Variants in ATP11A observed in about 807,000 individuals in gnomAD.
ATP11A encodes the protein phospholipid-transporting ATPase IH.
In ATP11A, 81 loss-of-function variants were observed where a neutral mutation model predicts 154.4. That is an observed-to-expected ratio of 0.52 (90% CI 0.44 to 0.63). The LOEUF is 0.63. Among genes scored for constraint, ATP11A ranks in the 30% least tolerant of loss-of-function variants. ATP11A has a pLI of 0.00. For missense variants in ATP11A, 1,316 were observed against 1,474.3 expected (o/e 0.89, Z 1.76); for synonymous variants, 623 against 585.9 (o/e 1.06, Z -0.91).
At chr13:112,737,772 C>A (rs1457496122) in intron 1 of ATP11A, among the ~76,000 whole-genome samples, 1 of 152,210 alleles carries the variant, frequency 6.6e-6, no homozygotes, top group Non-Finnish European at 1.5e-5. Flanking sequence ...CAGTGGTGAG[C>A]TCAGGTGGAA....
chr13:112,751,592 G>A (rs1303532949), intron 1 of ATP11A, among the ~76,000 whole-genome samples: 1 of 152,084 alleles, frequency 6.6e-6, no homozygotes, highest in Admixed American at 6.6e-5. Flanking sequence ...CCCGGAAGGT[G>A]GAGGTTGCAG....
At chr13:112,764,965 G>A (rs2077039983) in intron 1 of ATP11A, among the ~76,000 whole-genome samples, 1 of 152,226 alleles carries the variant, frequency 6.6e-6, no homozygotes, top group Non-Finnish European at 1.5e-5. Context: ...CCTGGAGGAG[G>A]ATTATATGGG....
At chr13:112,813,996 A>G (rs1293326000) in intron 5 of ATP11A, among the ~76,000 whole-genome samples, 3 of 152,024 alleles carry the variant, frequency 2.0e-5, no homozygotes, top group African/African-American at 7.3e-5. Flanking sequence ...TCAGCAGGAT[A>G]TTTCACAAAG....
intron 28 of ATP11A, among the ~76,000 whole-genome samples, 170 bp from the exon 29 acceptor site, chr13:112,878,047 C>T (rs1397890929): frequency 6.6e-6 from 1 of 152,182 alleles, no homozygotes; most frequent in Non-Finnish European, 1.5e-5. Context: ...CCAGTGTCCG[C>T]CCAGAGTGAC....
chr13:112,763,850 A>G (rs986893871), intron 1 of ATP11A, among the ~76,000 whole-genome samples: 4 of 151,998 alleles, frequency 2.6e-5, no homozygotes, highest in Non-Finnish European at 5.9e-5. Flanking sequence ...GCCACCTTCC[A>G]TGTGTTGGTT....
At chr13:112,779,326 G>T (rs1156466982) in intron 1 of ATP11A, among the ~76,000 whole-genome samples, 2 of 123,006 alleles carry the variant, frequency 1.6e-5, no homozygotes, top group Admixed American at 8.2e-5. Flanking sequence ...GTAGCCGCTG[G>T]AGTGAGGAGT....
intron 23 of ATP11A, 57 bp from the exon 24 acceptor site, chr13:112,860,230 C>A: frequency 1.3e-6 from 2 of 1,564,676 alleles, no homozygotes. Context: ...ATCAAAAGAT[C>A]CAAAAAGTTT....
chr13:112,825,504 AC>A lies in ATP11A; in HGVS notation c.948del (p.Tyr316Ter). 6.2e-7 allele frequency: 1 copy of A among 1,614,032 alleles called. No individual in the cohort carries two copies. The highest frequency in any genetic ancestry group is 8.5e-7 in the Non-Finnish European group (1 of 1,179,920). The stretch of plus-strand genomic sequence containing the variant: ...GCCCTGATAAACACTGTGCTGAAAT[AC>A]ATGTGGCAGAGTGAGCCCTTTCGGG... ...SKALINTVLK[Y>X]MWQSEPFRDE... On this transcript the variant is annotated frameshift_variant, in exon 11 of 30. Coordinates refer to ENST00000375645, the MANE Select transcript of ATP11A (RefSeq NM_015205.3). LOFTEE classifies it high-confidence loss of function.
chr13:112,841,245 G>A (rs2079407539), intron 16 of ATP11A, among the ~76,000 whole-genome samples: 1 of 147,510 alleles, frequency 6.8e-6, no homozygotes, highest in African/African-American at 2.6e-5. Context: ...TGCTTCAGGT[G>A]CAGAGGGGGC....
chr13:112,833,328 G>A lies in ATP11A; in HGVS notation c.1559+305G>A, dbSNP rs368261595. 3.9e-5 allele frequency among the ~76,000 whole-genome samples: 6 copies of A among 152,128 alleles called. No individual in the cohort carries two copies. The East Asian group carries it at 5.8e-4, about 15-fold the overall frequency. ...CAAATAACCACAGGCTTCAAAATAC[G>A]GAAACAATCATTCTTTTAACACAAA... On this transcript the variant is annotated intron_variant, in intron 14 of 29. Transcript: ENST00000375645.
intron 1 of ATP11A, among the ~76,000 whole-genome samples, chr13:112,718,751 A>T (rs975848856): frequency 5.3e-5 from 8 of 150,708 alleles, no homozygotes; most frequent in African/African-American, 2.0e-4. Context: ...GCTCACTGCA[A>T]CCTCCGCCTC....
intron 4 of ATP11A, among the ~76,000 whole-genome samples, chr13:112,809,946 G>A (rs1340097571): frequency 1.3e-5 from 2 of 152,220 alleles, no homozygotes; most frequent in Non-Finnish European, 2.9e-5. Context: ...CGCGGCCGGG[G>A]TCAGGGTTAG....
intron 1 of ATP11A, among the ~76,000 whole-genome samples, chr13:112,704,331 C>T (rs1886911480): frequency 6.6e-6 from 1 of 152,222 alleles, no homozygotes; most frequent in Non-Finnish European, 1.5e-5. Context: ...GTTAGGGTGG[C>T]CTCTGGCGAT....
chr13:112,879,930 G>A (rs1594265733), intron 29 of ATP11A, among the ~76,000 whole-genome samples: 1 of 152,196 alleles, frequency 6.6e-6, no homozygotes, highest in African/African-American at 2.4e-5. Flanking sequence ...GTATCTGCAT[G>A]CAGTTCACTT....
At chr13:112,826,613 G>A in intron 11 of ATP11A, 81 bp from the exon 12 acceptor site, 4 of 1,118,268 alleles carry the variant, frequency 3.6e-6, no homozygotes, top group East Asian at 2.3e-5. Context: ...TTATGCCTAA[G>A]CCTGAGGTGT....
rs886798435 is a variant in ATP11A at position 112,802,160 on chromosome 13, C to T, written c.163-2797C>T. ...GAGATTGAGACCAACCTGGCCAACA[C>T]GATGAAACCCCATCTCTACTAAAAA... On this transcript the variant is annotated intron_variant, in intron 2 of 29. Coordinates refer to ENST00000375645, the MANE Select transcript of ATP11A (RefSeq NM_015205.3). Among the ~76,000 whole-genome samples the T allele has an allele frequency of 9.2e-5, 14 of 152,080 alleles. No homozygotes were observed. In the South Asian group the frequency reaches 1.0e-3, roughly 11 times the overall value.
chr13:112,710,897 G>A (rs1339674566), intron 1 of ATP11A, among the ~76,000 whole-genome samples: 1 of 152,216 alleles, frequency 6.6e-6, no homozygotes, highest in Non-Finnish European at 1.5e-5. Context: ...CGCGTCATGT[G>A]AGGGGGCACT....
At chr13:112,810,819 C>T (rs926550265) in intron 5 of ATP11A, 93 bp downstream of exon 5, 6 of 1,085,340 alleles carry the variant, frequency 5.5e-6, no homozygotes, top group African/African-American at 1.5e-5. Flanking sequence ...GCCTCCAGTC[C>T]CAGCTACTCA....
chr13:112,855,595 A>C (rs1340943627), intron 19 of ATP11A, among the ~76,000 whole-genome samples: 1 of 152,242 alleles, frequency 6.6e-6, no homozygotes, highest in Non-Finnish European at 1.5e-5. Flanking sequence ...GAAGGTTGAG[A>C]GTAAAGACCA....
Sources: gnomAD v4.1 joint callset for allele counts (sites outside exome capture counted in the v4.1 genomes callset) on GRCh38, gnomAD v4.1.1 for gene constraint, MANE v1.5 for transcripts, NCBI Gene and HGNC (gene_info 2026-07-23, HGNC 2026-07-21) for gene names.